Variants in SCMH1 observed in about 807,000 individuals in gnomAD.
SCMH1 encodes polycomb protein SCMH1.
A neutral mutation model predicts 70.8 loss-of-function variants in SCMH1; 37 were observed. The observed-to-expected ratio is 0.52, with a 90% CI of 0.40 to 0.69. The LOEUF (loss-of-function observed/expected upper bound fraction) is 0.69, where lower values mean the gene tolerates loss of function less well. Among genes scored for constraint, SCMH1 ranks in the 30% least tolerant of loss-of-function variants. The pLI is 0.00. For missense variants in SCMH1, 607 were observed against 827.3 expected (o/e 0.73, Z 3.27); for synonymous variants, 292 against 307.4 (o/e 0.95, Z 0.52).
At chr1:41,219,042 C>T (rs1363739363) in intron 1 of SCMH1, among the ~76,000 whole-genome samples, 1 of 148,364 alleles carries the variant, frequency 6.7e-6, no homozygotes, top group South Asian at 2.1e-4. Context: ...ACCAGCCCAA[C>T]CTCTGGGGCA....
rs548733204 is a variant in SCMH1, at chr1:41,058,378, GTTTTT to G, written c.1106-9493_1106-9489del. The stretch of plus-strand genomic sequence containing the variant: ...TTAGTATTTATACATTTTCTTTCTT[GTTTTT>G]TTTTTTTTTTTTTTTTTGAGACAGT... On this transcript the variant is annotated intron_variant, in intron 10 of 14. Coordinates refer to ENST00000337495, the Ensembl canonical transcript of SCMH1. 1.5e-3 allele frequency among the ~76,000 whole-genome samples: 125 copies of G among 81,640 alleles called. 3 individuals are homozygous for G. Among genetic ancestry groups the G allele is most frequent in the Middle Eastern group, 0.014 (1 of 72 alleles). 53.6% of individuals were successfully genotyped at this position (81,640 alleles called of 152,430 possible). A position where few individuals can be genotyped will look rare whatever the true frequency, so the allele number is the denominator to read the frequency against.
At chr1:41,043,608 T>A (rs1326605792) in intron 12 of SCMH1, 3 of 146,562 alleles carry the variant, frequency 2.0e-5, no homozygotes, top group Non-Finnish European at 4.5e-5. Flanking sequence ...TTTTTTTTTG[T>A]ATTTTTAGTA....
chr1:41,042,458 A>G (rs1471843058), intron 12 of SCMH1, among the ~76,000 whole-genome samples: 1 of 152,116 alleles, frequency 6.6e-6, no homozygotes, highest in Non-Finnish European at 1.5e-5. Context: ...CATGTTAGCC[A>G]GGCTGGTCTC....
Position 41,046,612 on chromosome 1 carries a change from A to G in SCMH1, c.1307-14T>C, listed in dbSNP as rs777054730. 1 of 1,610,222 alleles carries G rather than the reference A, an allele frequency of 6.2e-7. No individual in the cohort carries two copies. Among genetic ancestry groups the G allele is most frequent in the Non-Finnish European group, 8.5e-7 (1 of 1,176,636 alleles). ...GGTCAAACACGGCTGTGGAGTGAGT[A>G]AACAGGGCCAAGCATGTCAGCCTGG... On this transcript the variant is annotated splice_polypyrimidine_tract_variant and intron_variant, in intron 11 of 14. Coordinates refer to ENST00000337495, the Ensembl canonical transcript of SCMH1.
At chr1:41,145,767 G>T (rs1041992116) in intron 5 of SCMH1, among the ~76,000 whole-genome samples, 2 of 152,136 alleles carry the variant, frequency 1.3e-5, no homozygotes, top group African/African-American at 4.8e-5. Flanking sequence ...AAAAATTCCT[G>T]TATCCTAGTT....
intron 2 of SCMH1, among the ~76,000 whole-genome samples, chr1:41,176,057 C>G (rs1167745226): frequency 6.6e-6 from 1 of 150,772 alleles, no homozygotes; most frequent in East Asian, 1.9e-4. Flanking sequence ...TTCAAGGAAG[C>G]CACAACAAAT....
intron 10 of SCMH1, among the ~76,000 whole-genome samples, chr1:41,067,103 T>C (rs1373825514): frequency 6.6e-6 from 1 of 151,904 alleles, no homozygotes; most frequent in Non-Finnish European, 1.5e-5. Flanking sequence ...AGTGGATAAA[T>C]AAACTGTGAA....
chr1:41,210,211 A>G (rs568890292), intron 1 of SCMH1, among the ~76,000 whole-genome samples: 1 of 152,352 alleles, frequency 6.6e-6, no homozygotes, highest in South Asian at 2.1e-4. Flanking sequence ...ATAAAACAGG[A>G]CACAAACAAA....
At chr1:41,129,707 C>CAAAT (rs1444318949) in intron 6 of SCMH1, among the ~76,000 whole-genome samples, 21 of 152,272 alleles carry the variant, frequency 1.4e-4, no homozygotes, top group Admixed American at 1.2e-3. Flanking sequence ...CACGGGTATT[C>CAAAT]AAATATCTGC....
At chr1:41,061,491 G>C (rs889592256) in intron 10 of SCMH1, among the ~76,000 whole-genome samples, 1 of 152,106 alleles carries the variant, frequency 6.6e-6, no homozygotes, top group Non-Finnish European at 1.5e-5. Context: ...AAAGACAGGG[G>C]CATTACATAA....
intron 8 of SCMH1, among the ~76,000 whole-genome samples, chr1:41,076,469 C>T (rs1177880496): frequency 6.6e-6 from 1 of 152,140 alleles, no homozygotes; most frequent in African/African-American, 2.4e-5. Context: ...GGGGATAGAA[C>T]TGTGAACAAA....
chr1:41,099,940 A>G (rs1666122485), intron 8 of SCMH1, among the ~76,000 whole-genome samples: 1 of 152,196 alleles, frequency 6.6e-6, no homozygotes. Context: ...GATTAGTTTA[A>G]TCTAGTACTA....
At chr1:41,159,218 G>A (rs1645816579) in intron 4 of SCMH1, among the ~76,000 whole-genome samples, 1 of 152,088 alleles carries the variant, frequency 6.6e-6, no homozygotes, top group African/African-American at 2.4e-5. Context: ...TTACATCAGA[G>A]GATATGCCTA....
intron 1 of SCMH1, among the ~76,000 whole-genome samples, chr1:41,204,613 T>C (rs1166297424): frequency 6.6e-6 from 1 of 152,206 alleles, no homozygotes; most frequent in Non-Finnish European, 1.5e-5. Flanking sequence ...AATATTCACA[T>C]GTCTGGCTTT....
intron 6 of SCMH1, among the ~76,000 whole-genome samples, chr1:41,120,267 G>A (rs1671595859): frequency 6.6e-6 from 1 of 151,928 alleles, no homozygotes; most frequent in Non-Finnish European, 1.5e-5. Flanking sequence ...TCTCAGCTTT[G>A]GAAATCATTA....
At chr1:41,070,889 A>G (rs1656248577) in intron 9 of SCMH1, among the ~76,000 whole-genome samples, 168 bp from the exon 10 acceptor site, 1 of 152,206 alleles carries the variant, frequency 6.6e-6, no homozygotes. Context: ...TACCTGTAGT[A>G]GATGCTTAGT....
chr1:41,138,039 T>A (rs1186658057), intron 6 of SCMH1, among the ~76,000 whole-genome samples: 10 of 152,204 alleles, frequency 6.6e-5, no homozygotes. Flanking sequence ...AAATTGATCA[T>A]CTCTTGCTTT....
intron 2 of SCMH1, among the ~76,000 whole-genome samples, chr1:41,175,897 G>A (rs988969816): frequency 6.6e-6 from 1 of 151,884 alleles, no homozygotes; most frequent in Non-Finnish European, 1.5e-5. Context: ...TATATTAGGG[G>A]ATCATGATTA....
chr1:41,028,868 G>A lies in SCMH1; in HGVS notation c.1679-142C>T, dbSNP rs144718005. 3.2e-4 allele frequency: 283 copies of A among 886,824 alleles called. 1 individual carries two copies. The East Asian group carries it at 6.8e-3, about 21-fold the overall frequency. The allele number at this position is 886,824 out of a possible 1,614,324, so 54.9% of individuals were successfully genotyped here. A position where few individuals can be genotyped will look rare whatever the true frequency, so the allele number is the denominator to read the frequency against. The stretch of plus-strand genomic sequence containing the variant: ...TGAGCTGAGGAACTGGAGATAGCTG[G>A]GGGAGGGAAGCATTTCTTCACAAAG... On this transcript the variant is annotated intron_variant, in intron 13 of 14. Coordinates refer to ENST00000337495, the Ensembl canonical transcript of SCMH1.
Sources: gnomAD v4.1 joint callset for allele counts (sites outside exome capture counted in the v4.1 genomes callset) on GRCh38, gnomAD v4.1.1 for gene constraint, MANE v1.5 for transcripts, NCBI Gene and HGNC (gene_info 2026-07-23, HGNC 2026-07-21) for gene names.